PITRM1: variants seen among roughly 807,000 people sequenced by gnomAD.
PITRM1 encodes presequence protease, mitochondrial.
Under a neutral mutation model 129.9 loss-of-function variants are expected in PITRM1, and 100 were observed. The observed-to-expected ratio is 0.77, with a 90% CI of 0.65 to 0.91. The LOEUF is 0.91. Ranked by LOEUF, PITRM1 falls within the 40% of genes least tolerant of loss-of-function variation. The pLI is 0.00. For synonymous variants in PITRM1, 591 were observed against 508.8 expected, an observed-to-expected ratio of 1.16 and a Z score of -2.17; for missense variants, 1,471 against 1,318.3, an observed-to-expected ratio of 1.12 and a Z score of -1.79.
intron 15 of PITRM1, among the ~76,000 whole-genome samples, chr10:3,150,255 G>A (rs1841375462): frequency 1.3e-5 from 2 of 151,990 alleles, no homozygotes; most frequent in South Asian, 2.1e-4. Context: ...ACCTAGCAGA[G>A]CACCCTAGAC....
At chr10:3,143,885 GAACCA>G in intron 22 of PITRM1, 1 of 531,000 alleles carries the variant, frequency 1.9e-6, no homozygotes, top group Non-Finnish European at 3.6e-6. Context: ...ACTCCACAAG[GAACCA>G]AACCAAACAG....
chr10:3,166,919 T>C lies in PITRM1; in HGVS notation c.266+17A>G, dbSNP rs753638696. ...ATAAAAACATTCAAGACCATGTTCTTACAATGCACCACACACCTGAACAGA... is the reference window on the plus strand; with the variant it reads ...ATAAAAACATTCAAGACCATGTTCTCACAATGCACCACACACCTGAACAGA... On this transcript the variant is annotated intron_variant, in intron 3 of 26. Coordinates refer to ENST00000224949, the MANE Select transcript of PITRM1 (RefSeq NM_014889.4). The C allele has an allele frequency of 1.7e-5, 25 of 1,438,186 alleles. No homozygotes were observed. The highest frequency in any genetic ancestry group is 5.6e-5 in the African/African-American group (4 of 70,956). The allele number at this position is 1,438,186 out of a possible 1,614,324, so 89.1% of individuals were successfully genotyped here. A position where few individuals can be genotyped will look rare whatever the true frequency, so the allele number is the denominator to read the frequency against.
In PITRM1 at chr10:3,141,461, G is replaced by T. The variant is rs1280590216; in HGVS notation, c.2646-649C>A. On this transcript the variant is annotated intron_variant, in intron 23 of 26. Transcript: ENST00000224949. ...ACATTTATTTAAATGTCTCACATCA[G>T]AATATGGAAAGAAAGGAAACTGAAG... 10 of 237,480 alleles carry T rather than the reference G, an allele frequency of 4.2e-5. No homozygotes were observed. In the South Asian group the frequency reaches 5.1e-4, roughly 12 times the overall value. The allele number at this position is 237,480 out of a possible 1,614,324, so 14.7% of individuals were successfully genotyped here. A position where few individuals can be genotyped will look rare whatever the true frequency, so the allele number is the denominator to read the frequency against.
chr10:3,147,806 T>C (rs1841058969), intron 18 of PITRM1, 69 bp from the exon 19 acceptor site: 8 of 1,424,812 alleles, frequency 5.6e-6, no homozygotes, highest in African/African-American at 2.9e-5. Flanking sequence ...TCATGGAAAG[T>C]TGATTAAGTT....
At chr10:3,153,538 G>A (rs972320551) in intron 14 of PITRM1, among the ~76,000 whole-genome samples, 1 of 151,926 alleles carries the variant, frequency 6.6e-6, no homozygotes, top group Non-Finnish European at 1.5e-5. Flanking sequence ...AAAATGACGT[G>A]AATCCGGGAG....
chr10:3,157,139 A>C, intron 12 of PITRM1, 75 bp from the exon 13 acceptor site: 7 of 1,332,558 alleles, frequency 5.3e-6, no homozygotes, highest in Non-Finnish European at 7.2e-6. Context: ...CAGACTTGAT[A>C]CTAAAATCCT....
At chr10:3,155,891 G>T (rs1012616766) in intron 13 of PITRM1, among the ~76,000 whole-genome samples, 162 bp from the exon 14 acceptor site, 5 of 152,122 alleles carry the variant, frequency 3.3e-5, no homozygotes, top group African/African-American at 1.2e-4. Flanking sequence ...TTTTGCTGAT[G>T]CAAGTACACA....
intron 12 of PITRM1, 146 bp downstream of exon 12, chr10:3,157,289 G>A: frequency 1.6e-6 from 1 of 634,880 alleles, no homozygotes; most frequent in Non-Finnish European, 2.6e-6. Flanking sequence ...TAATGTTTAG[G>A]AAATAACCAA....
chr10:3,167,514 G>A (rs918755740), intron 2 of PITRM1, among the ~76,000 whole-genome samples: 3 of 152,324 alleles, frequency 2.0e-5, no homozygotes, highest in Non-Finnish European at 4.4e-5. Flanking sequence ...TCACCCTGGT[G>A]TCTGCCCTTC....
In PITRM1 at chr10:3,166,210, T is replaced by TGAACTGG; in HGVS notation, c.418+18_418+19insCCAGTTC. On this transcript the variant is annotated intron_variant, in intron 4 of 26. Transcript: ENST00000224949. Reference sequence around the variant, plus strand: ...CTGGCAAACCCAAAAGCAGTTTCTGTTCAGGATGCTGGTCTTACCTGTGAA... The same window carrying TGAACTGG: ...CTGGCAAACCCAAAAGCAGTTTCTGTGAACTGGTCAGGATGCTGGTCTTACCTGTGAA... The TGAACTGG allele has an allele frequency of 6.3e-7, 1 of 1,582,834 alleles. No individual in the cohort carries two copies. Among genetic ancestry groups the TGAACTGG allele is most frequent in the Non-Finnish European group, 8.6e-7 (1 of 1,165,294 alleles).
chr10:3,149,804 C>G, intron 15 of PITRM1, 51 bp from the exon 16 acceptor site: 1 of 1,585,934 alleles, frequency 6.3e-7, no homozygotes. Flanking sequence ...AAAATTCTAA[C>G]CACTTGTAAT....
At chr10:3,170,468 A>G (rs781084649) in intron 1 of PITRM1, among the ~76,000 whole-genome samples, 8 of 152,166 alleles carry the variant, frequency 5.3e-5, no homozygotes, top group Non-Finnish European at 7.3e-5. Context: ...ATACAATTAC[A>G]GTTTAAATTC....
At chr10:3,153,595 G>A (rs1478936352) in intron 14 of PITRM1, among the ~76,000 whole-genome samples, 1 of 151,930 alleles carries the variant, frequency 6.6e-6, no homozygotes, top group South Asian at 2.1e-4. Flanking sequence ...CTCCAGCCTG[G>A]GTGACAAGGC....
At chr10:3,146,336 G>T in intron 20 of PITRM1, 1 of 152,728 alleles carries the variant, frequency 6.5e-6, no homozygotes, top group Non-Finnish European at 1.5e-5. Context: ...CTATATCCCA[G>T]GCATGTATGC....
Position 3,148,061 on chromosome 10 carries a change from AC to A in PITRM1, c.1994del (p.Gly665ValfsTer16), listed in dbSNP as rs777044225. The A allele has an allele frequency of 1.2e-6, 2 of 1,613,802 alleles. No homozygotes were observed. Among genetic ancestry groups the A allele is most frequent in the East Asian group, 2.2e-5 (1 of 44,874 alleles). ...CCAGGCAGAGAGAGGAGAAAAGCAC[AC>A]CCTGAACCAAAGAAAACACAGAAGA... is the stretch of plus-strand genomic sequence containing the variant. ...DDSHMDTYEQ[G>X]VLFSSLCLDR... On this transcript the variant is annotated frameshift_variant and splice_region_variant, in exon 18 of 27. Transcript: ENST00000224949. LOFTEE classifies it high-confidence loss of function.
At chr10:3,162,593 G>A (rs553987889) in intron 7 of PITRM1, among the ~76,000 whole-genome samples, 21 of 152,304 alleles carry the variant, frequency 1.4e-4, no homozygotes, top group African/African-American at 5.1e-4. Context: ...GAGGCGAGCA[G>A]ACCTCACATG....
chr10:3,163,937 C>T (rs1002112870), intron 6 of PITRM1, 52 bp from the exon 7 acceptor site: 25 of 1,250,826 alleles, frequency 2.0e-5, no homozygotes, highest in South Asian at 7.3e-5. Flanking sequence ...ATAATACACA[C>T]GTTACATTAC....
intron 14 of PITRM1, among the ~76,000 whole-genome samples, 196 bp downstream of exon 14, chr10:3,155,395 C>A: frequency 6.6e-6 from 1 of 152,276 alleles, no homozygotes; most frequent in African/African-American, 2.4e-5. Context: ...TTCAATGACT[C>A]CTGCGTTTCC....
At chr10:3,144,221 C>T (rs1158580302) in intron 22 of PITRM1, 71 bp downstream of exon 22, 11 of 841,906 alleles carry the variant, frequency 1.3e-5, no homozygotes, top group South Asian at 3.1e-5. Context: ...AACATTCGAA[C>T]ATCAGTGGCA....
Sources: gnomAD v4.1 joint callset for allele counts (sites outside exome capture counted in the v4.1 genomes callset) on GRCh38, gnomAD v4.1.1 for gene constraint, MANE v1.5 for transcripts, NCBI Gene and HGNC (gene_info 2026-07-23, HGNC 2026-07-21) for gene names.